Variants in MALRD1 observed in about 807,000 individuals in gnomAD.
MALRD1 encodes the protein MAM and LDL receptor class A domain containing 1.
A neutral mutation model predicts 242.1 loss-of-function variants in MALRD1; 247 were observed. That is an observed-to-expected ratio of 1.02 (90% CI 0.92 to 1.13). The LOEUF (loss-of-function observed/expected upper bound fraction) is 1.13. Among genes scored for constraint, MALRD1 ranks in the 50% most tolerant of loss-of-function variants. The pLI is 0.00. For synonymous variants in MALRD1, 995 were observed against 866.6 expected (o/e 1.15, Z -2.60); for missense variants, 2,989 against 2,533.1 (o/e 1.18, Z -3.86).
At chr10:19,715,918 TG>T (rs1834364327) in intron 38 of MALRD1, among the ~76,000 whole-genome samples, 1 of 152,156 alleles carries the variant, frequency 6.6e-6, no homozygotes, top group Non-Finnish European at 1.5e-5. Flanking sequence ...AAGCCCTTCA[TG>T]GGGGATCTGC....
intron 31 of MALRD1, among the ~76,000 whole-genome samples, chr10:19,526,929 G>T (rs1834127523): frequency 6.6e-6 from 1 of 152,122 alleles, no homozygotes; most frequent in Admixed American, 6.5e-5. Context: ...TGGGGAAAAT[G>T]TAGAATAGGA....
intron 21 of MALRD1, among the ~76,000 whole-genome samples, chr10:19,284,633 T>C (rs978113448): frequency 2.7e-5 from 4 of 148,572 alleles, no homozygotes; most frequent in Admixed American, 6.7e-5. Context: ...TGCCACATTT[T>C]CTTAATCCAG....
At chr10:19,466,289 C>T (rs149640344) in intron 29 of MALRD1, among the ~76,000 whole-genome samples, 3 of 152,054 alleles carry the variant, frequency 2.0e-5, no homozygotes, top group African/African-American at 7.2e-5. Flanking sequence ...CATATTGTTC[C>T]TAGTAATTTT....
chr10:19,552,816 C>T (rs993550389), intron 32 of MALRD1, among the ~76,000 whole-genome samples: 3 of 152,034 alleles, frequency 2.0e-5, no homozygotes, highest in African/African-American at 7.2e-5. Flanking sequence ...TCAAGTTCTG[C>T]TCTCCTGCCC....
At chr10:19,289,286 C>G (rs955616200) in intron 21 of MALRD1, among the ~76,000 whole-genome samples, 4 of 152,082 alleles carry the variant, frequency 2.6e-5, no homozygotes, top group African/African-American at 7.2e-5. Context: ...TTCCTCTCAC[C>G]CTACCACTTT....
chr10:19,191,959 G>A (rs1025939582), intron 14 of MALRD1, among the ~76,000 whole-genome samples: 2 of 151,942 alleles, frequency 1.3e-5, no homozygotes, highest in Non-Finnish European at 2.9e-5. Context: ...AATCGCTCGT[G>A]CCACTGCACT....
chr10:19,056,305 A>G lies in MALRD1; in HGVS notation c.199+7168A>G, dbSNP rs186813204. Among the ~76,000 whole-genome samples, 451 of 150,994 alleles carry G rather than the reference A, an allele frequency of 3.0e-3. 3 individuals are homozygous for G. The highest frequency in any genetic ancestry group is 5.5e-3 in the Non-Finnish European group (370 of 67,788). Reference sequence around the variant, plus strand: ...TGCTATGGGCATTTTGACAATATTAATTTTTTAAGTCCATGAATATGGAAT... The same window carrying G: ...TGCTATGGGCATTTTGACAATATTAGTTTTTTAAGTCCATGAATATGGAAT... On this transcript the variant is annotated intron_variant, in intron 1 of 39. Transcript: ENST00000454679.
rs1051105680 is a variant in MALRD1 at position 19,099,749 on chromosome 10, C to CTATATA, written c.598-4220_598-4215dup. On this transcript the variant is annotated intron_variant, in intron 4 of 39. Transcript: ENST00000454679. ...CTCTGACCAGGACCCTCCATAGAAC[C>CTATATA]TATATATATATATATTTTTTTTAAT... 1.5e-4 allele frequency among the ~76,000 whole-genome samples: 16 copies of CTATATA among 107,748 alleles called. 1 individual carries two copies. In the East Asian group the frequency reaches 3.7e-3, roughly 25 times the overall value. 70.7% of individuals were successfully genotyped at this position (107,748 alleles called of 152,430 possible). A position where few individuals can be genotyped will look rare whatever the true frequency, so the allele number is the denominator to read the frequency against.
intron 19 of MALRD1, among the ~76,000 whole-genome samples, chr10:19,274,548 A>G (rs1840408829): frequency 6.6e-6 from 1 of 152,184 alleles, no homozygotes; most frequent in Admixed American, 6.5e-5. Context: ...CAAACCAGGA[A>G]GTGGGCCAGA....
chr10:19,688,100 G>A (rs952351148), intron 36 of MALRD1, among the ~76,000 whole-genome samples: 2 of 152,022 alleles, frequency 1.3e-5, no homozygotes, highest in African/African-American at 2.4e-5. Context: ...CTCCCACGTC[G>A]CTGGGATTAC....
chr10:19,630,312 A>G (rs1451146658), intron 36 of MALRD1, among the ~76,000 whole-genome samples: 3 of 152,162 alleles, frequency 2.0e-5, no homozygotes, highest in African/African-American at 7.2e-5. Context: ...TCTCTTTCAA[A>G]TTTATTGTTT....
rs1351266589 is a variant in MALRD1, at chr10:19,204,381, C to T, written c.2178C>T (p.Ser726=). ...CTAAGCTTCAGAGCCCAACTTTCAGCCAGACAGGACCTGGATGCATACTTT... is the reference window on the plus strand; with the variant it reads ...CTAAGCTTCAGAGCCCAACTTTCAGTCAGACAGGACCTGGATGCATACTTT... ...QVAKLQSPTF[S]QTGPGCILSF... is the part of the protein sequence containing the mutation. The change falls in exon 16 of 40, where the codon AGC becomes AGT. Residue 726 remains serine, a synonymous_variant. Coordinates refer to ENST00000454679, the MANE Select transcript of MALRD1 (RefSeq NM_001142308.3). The T allele has an allele frequency of 6.5e-7, 1 of 1,547,822 alleles. No homozygotes were observed. The highest frequency in any genetic ancestry group is 8.7e-7 in the Non-Finnish European group (1 of 1,145,972).
chr10:19,533,738 C>T (rs1299520858), intron 32 of MALRD1, among the ~76,000 whole-genome samples: 2 of 152,274 alleles, frequency 1.3e-5, no homozygotes, highest in South Asian at 2.1e-4. Flanking sequence ...CATGACAGAT[C>T]TGCCCCCATG....
At chr10:19,649,639 A>C (rs1315717858) in intron 36 of MALRD1, among the ~76,000 whole-genome samples, 2 of 152,146 alleles carry the variant, frequency 1.3e-5, no homozygotes, top group Non-Finnish European at 2.9e-5. Flanking sequence ...AACCTTTGTC[A>C]GATGCATAGT....
Position 19,124,681 on chromosome 10 carries a change from AAAT to A in MALRD1, c.943+16_943+18del. Reference sequence around the variant, plus strand: ...GAGGTGATGATGAAGGTAGAAAAAAAAATAATATCTTTTATGTATTACTTTCAG... The same window carrying A: ...GAGGTGATGATGAAGGTAGAAAAAAAAATATCTTTTATGTATTACTTTCAG... On this transcript the variant is annotated intron_variant, in intron 7 of 39. Coordinates refer to ENST00000454679, the MANE Select transcript of MALRD1 (RefSeq NM_001142308.3). 1 of 1,233,560 alleles carries A rather than the reference AAAT, an allele frequency of 8.1e-7. No homozygotes were observed. Among genetic ancestry groups the A allele is most frequent in the Non-Finnish European group, 1.0e-6 (1 of 988,008 alleles). 76.4% of individuals were successfully genotyped at this position (1,233,560 alleles called of 1,614,324 possible).
intron 12 of MALRD1, among the ~76,000 whole-genome samples, chr10:19,165,362 G>A (rs966899876): frequency 8.0e-5 from 12 of 150,572 alleles, no homozygotes; most frequent in Admixed American, 1.3e-4. Flanking sequence ...GTGCAATGGC[G>A]TGATCTCAGC....
At chr10:19,398,308 G>C (rs1039398088) in intron 28 of MALRD1, among the ~76,000 whole-genome samples, 1 of 152,104 alleles carries the variant, frequency 6.6e-6, no homozygotes, top group African/African-American at 2.4e-5. Flanking sequence ...TGCATTTAAT[G>C]TTGGTTAGGA....
At chr10:19,292,790 G>T (rs1268275728) in intron 21 of MALRD1, among the ~76,000 whole-genome samples, 4 of 151,522 alleles carry the variant, frequency 2.6e-5, no homozygotes, top group Admixed American at 1.3e-4. Flanking sequence ...CTACTCGGGA[G>T]GCTGAGGCAG....
At chr10:19,463,967 G>A (rs754765997) in intron 29 of MALRD1, among the ~76,000 whole-genome samples, 1 of 152,172 alleles carries the variant, frequency 6.6e-6, no homozygotes, top group Admixed American at 6.5e-5. Context: ...CTGATCATTA[G>A]TGATGTTGAA....
Sources: allele counts gnomAD v4.1 joint callset (sites outside exome capture counted in the v4.1 genomes callset), GRCh38; gene constraint gnomAD v4.1.1; transcripts MANE v1.5; gene names NCBI Gene and HGNC (gene_info 2026-07-23, HGNC 2026-07-21).